CC2D2B: variants seen among roughly 807,000 people sequenced by gnomAD.
CC2D2B encodes protein CC2D2B.
In CC2D2B, 128 loss-of-function variants were observed where a neutral mutation model predicts 161.2. The observed-to-expected ratio is 0.79, with a 90% CI of 0.69 to 0.92. CC2D2B has a LOEUF of 0.92. CC2D2B is among the 40% of genes least tolerant of loss of function. CC2D2B has a pLI of 0.00. For synonymous variants in CC2D2B, 391 were observed against 449.8 expected, an observed-to-expected ratio of 0.87 and a Z score of 1.65; for missense variants, 1,173 against 1,375.1, an observed-to-expected ratio of 0.85 and a Z score of 2.32.
intron 20 of CC2D2B, among the ~76,000 whole-genome samples, chr10:95,990,816 C>G (rs977405785): frequency 6.6e-6 from 1 of 152,112 alleles, no homozygotes; most frequent in African/African-American, 2.4e-5. Context: ...AGGAGATGTT[C>G]AGAGTCCTTG....
At chr10:95,925,405 T>C (rs2098536655) in intron 5 of CC2D2B, among the ~76,000 whole-genome samples, 1 of 152,188 alleles carries the variant, frequency 6.6e-6, no homozygotes, top group African/African-American at 2.4e-5. Context: ...ACATAGGAAC[T>C]CAGGGCCCTA....
chr10:96,027,507 G>A, intron 34 of CC2D2B, 118 bp downstream of exon 34: 1 of 662,788 alleles, frequency 1.5e-6, no homozygotes, highest in Non-Finnish European at 2.4e-6. Context: ...AAAGATAGAT[G>A]CTATAGCATT....
chr10:96,013,879 TA>T lies in CC2D2B; in HGVS notation c.3516+4del. 6.9e-7 allele frequency: 1 copy of T among 1,456,378 alleles called. No individual in the cohort carries two copies. Among genetic ancestry groups the T allele is most frequent in the Non-Finnish European group, 9.4e-7 (1 of 1,069,308 alleles). The allele number at this position is 1,456,378 out of a possible 1,614,324, so 90.2% of individuals were successfully genotyped here. ...TCTGATATATGGATGACATCAGAGGTAATAAATTACATTTTATATATATAAT... is the reference window on the plus strand; with the variant it reads ...TCTGATATATGGATGACATCAGAGGTATAAATTACATTTTATATATATAAT... On this transcript the variant is annotated splice_donor_region_variant and intron_variant, in intron 29 of 34. Coordinates refer to ENST00000646931, the MANE Select transcript of CC2D2B (RefSeq NM_001349008.3).
chr10:95,931,505 T>A (rs1162721679), intron 6 of CC2D2B, among the ~76,000 whole-genome samples: 1 of 152,246 alleles, frequency 6.6e-6, no homozygotes, highest in Non-Finnish European at 1.5e-5. Context: ...TCCCACTTTT[T>A]CCTGTGGGCT....
chr10:95,971,983 AT>A (rs1466835023), intron 15 of CC2D2B, 82 bp from the exon 16 acceptor site: 72 of 667,490 alleles, frequency 1.1e-4, no homozygotes, highest in Non-Finnish European at 1.4e-4. Flanking sequence ...ATTTAAAAAA[AT>A]ATATGTTGTT....
At position 95,986,745 on chromosome 10, in the gene CC2D2B, C is replaced by T. The variant is rs148725951; in HGVS notation, c.2287-1505C>T. Among the ~76,000 whole-genome samples, 518 of 151,892 alleles carry T rather than the reference C, an allele frequency of 3.4e-3. 1 individual carries two copies. Among genetic ancestry groups the T allele is most frequent in the African/African-American group, 0.011 (459 of 41,426 alleles). On this transcript the variant is annotated intron_variant, in intron 19 of 34. Coordinates refer to ENST00000646931, the MANE Select transcript of CC2D2B (RefSeq NM_001349008.3). ...TGTAGTAGCTGGGGCTACAGGTGTG[C>T]GCTGTCATGCCTGGCTAATTTTTGT...
intron 19 of CC2D2B, among the ~76,000 whole-genome samples, chr10:95,984,958 T>A (rs1002635567): frequency 5.3e-5 from 8 of 151,990 alleles, no homozygotes; most frequent in Non-Finnish European, 8.8e-5. Flanking sequence ...TTCGAAAAAA[T>A]TTTAAACAAA....
At chr10:96,011,699 A>G (rs2141855719) in intron 26 of CC2D2B, among the ~76,000 whole-genome samples, 1 of 151,832 alleles carries the variant, frequency 6.6e-6, no homozygotes, top group East Asian at 1.9e-4. Flanking sequence ...GGTGTGCACC[A>G]CCACTCCCAG....
intron 32 of CC2D2B, among the ~76,000 whole-genome samples, chr10:96,024,376 T>C (rs1319760114): frequency 6.6e-6 from 1 of 152,226 alleles, no homozygotes; most frequent in Non-Finnish European, 1.5e-5. Context: ...AATAATAATA[T>C]CTGATGTTTG....
Position 95,983,464 on chromosome 10 carries a change from G to GTTTTTT in CC2D2B, c.2083-141_2083-140insTTTTTT, listed in dbSNP as rs2077607193. On this transcript the variant is annotated intron_variant, in intron 18 of 34. Coordinates refer to ENST00000646931, the MANE Select transcript of CC2D2B (RefSeq NM_001349008.3). Reference sequence around the variant, plus strand: ...TGGATTCTATTTTGTTTTGTTTTTTGTATGTTCTAGACTACAAATTCAGTT... The same window carrying GTTTTTT: ...TGGATTCTATTTTGTTTTGTTTTTTGTTTTTTTATGTTCTAGACTACAAATTCAGTT... The GTTTTTT allele has an allele frequency of 1.4e-5, 4 of 280,554 alleles. No individual in the cohort carries two copies. In the East Asian group the frequency reaches 2.2e-4, roughly 15 times the overall value. The allele number at this position is 280,554 out of a possible 1,614,324, so 17.4% of individuals were successfully genotyped here.
intron 29 of CC2D2B, among the ~76,000 whole-genome samples, chr10:96,014,316 A>G (rs1282327552): frequency 6.6e-6 from 1 of 152,204 alleles, no homozygotes; most frequent in Non-Finnish European, 1.5e-5. Flanking sequence ...CAAATAAAAT[A>G]CAGGCCCCAT....
At chr10:96,014,725 A>G (rs1046704612) in intron 29 of CC2D2B, among the ~76,000 whole-genome samples, 1 of 152,146 alleles carries the variant, frequency 6.6e-6, no homozygotes, top group Admixed American at 6.5e-5. Context: ...ACCTCAGGAA[A>G]ACTTAGTTCC....
intron 13 of CC2D2B, 33 bp downstream of exon 13, chr10:95,966,031 C>T (rs978536250): frequency 1.2e-5 from 10 of 833,320 alleles, no homozygotes; most frequent in Non-Finnish European, 1.6e-5. Flanking sequence ...TTAAACTCAA[C>T]TAGTTATAAT....
Position 96,013,892 on chromosome 10 carries a change from T to G in CC2D2B, c.3516+15T>G, listed in dbSNP as rs776530961. On this transcript the variant is annotated intron_variant, in intron 29 of 34. Coordinates refer to ENST00000646931, the MANE Select transcript of CC2D2B (RefSeq NM_001349008.3). ...TGACATCAGAGGTAATAAATTACAT[T>G]TTATATATATAATTGAAATATATAG... is the stretch of plus-strand genomic sequence containing the variant. The G allele has an allele frequency of 1.6e-6, 2 of 1,270,790 alleles. No individual in the cohort carries two copies. The highest frequency in any genetic ancestry group is 2.2e-5 in the Admixed American group (1 of 44,828). 78.7% of individuals were successfully genotyped at this position (1,270,790 alleles called of 1,614,324 possible). A position where few individuals can be genotyped will look rare whatever the true frequency, so the allele number is the denominator to read the frequency against.
At chr10:95,995,043 C>T (rs529169906) in intron 22 of CC2D2B, among the ~76,000 whole-genome samples, 20 of 152,178 alleles carry the variant, frequency 1.3e-4, no homozygotes, top group African/African-American at 3.4e-4. Context: ...TTATCATAGA[C>T]GAGATCTAAT....
intron 24 of CC2D2B, chr10:95,999,645 T>C (rs1009130244): frequency 5.9e-6 from 1 of 168,134 alleles, no homozygotes; most frequent in African/African-American, 2.4e-5. Flanking sequence ...CATTATATAA[T>C]GCATTAGGAC....
intron 14 of CC2D2B, among the ~76,000 whole-genome samples, chr10:95,966,570 G>A (rs2076948120): frequency 1.3e-5 from 2 of 151,964 alleles, no homozygotes; most frequent in Admixed American, 1.3e-4. Context: ...CCAGTTTGGT[G>A]TTCTATAGAA....
At chr10:95,933,188 T>C (rs1251689283) in intron 6 of CC2D2B, among the ~76,000 whole-genome samples, 6 of 152,100 alleles carry the variant, frequency 3.9e-5, no homozygotes, top group South Asian at 2.1e-4. Flanking sequence ...TTGGTACTTT[T>C]GTATGCTTCA....
Position 96,032,838 on chromosome 10 carries a change from T to C in CC2D2B, c.*830T>C, listed in dbSNP as rs1424647237. ...ATGGTCTTGACAAATCTCAGGACTC[T>C]TTTTTTCCTTAGTGAGCAGCCCCCA... On this transcript the variant is annotated 3_prime_UTR_variant, in exon 35 of 35. Coordinates refer to ENST00000646931, the MANE Select transcript of CC2D2B (RefSeq NM_001349008.3). The C allele has an allele frequency of 8.6e-6, 4 of 462,534 alleles. No individual in the cohort carries two copies. Among genetic ancestry groups the C allele is most frequent in the African/African-American group, 8.1e-5 (4 of 49,632 alleles). 28.7% of individuals were successfully genotyped at this position (462,534 alleles called of 1,614,324 possible). A position where few individuals can be genotyped will look rare whatever the true frequency, so the allele number is the denominator to read the frequency against.
Sources: allele counts gnomAD v4.1 joint callset (sites outside exome capture counted in the v4.1 genomes callset), GRCh38; gene constraint gnomAD v4.1.1; transcripts MANE v1.5; gene names NCBI Gene and HGNC (gene_info 2026-07-23, HGNC 2026-07-21).